Variants in CCL22 observed in about 807,000 individuals in gnomAD.
CCL22 encodes the protein C-C motif chemokine ligand 22, also known as C-C motif chemokine 22.
Under a neutral mutation model 7.6 loss-of-function variants are expected in CCL22, and 7 were observed. The observed-to-expected ratio is 0.92, with a 90% CI of 0.52 to 1.72. The LOEUF (loss-of-function observed/expected upper bound fraction) is 1.72, where lower values mean the gene tolerates loss of function less well. Ranked by LOEUF, CCL22 falls within the 40% of genes most tolerant of loss-of-function variation. CCL22 has a pLI of 0.00. For missense variants in CCL22, 115 were observed against 124.7 expected (o/e 0.92, Z 0.37); for synonymous variants, 55 against 47.2 (o/e 1.17, Z -0.68).
At chr16:57,358,361 G>A (rs1438609738), upstream of CCL22, among the ~76,000 whole-genome samples, 1 of 152,208 alleles carries the variant, frequency 6.6e-6, no homozygotes, top group Admixed American at 6.5e-5. Flanking sequence ...GTCATTAAGG[G>A]TACAAGACAG....
chr16:57,359,767 G>A (rs1463423501), intron 1 of CCL22, among the ~76,000 whole-genome samples: 1 of 152,022 alleles, frequency 6.6e-6, no homozygotes, highest in Non-Finnish European at 1.5e-5. Context: ...TGAGTAGCTG[G>A]GATTACAGGC....
intron 2 of CCL22, 44 bp from the exon 3 acceptor site, chr16:57,363,460 C>A: frequency 7.6e-7 from 1 of 1,308,822 alleles, no homozygotes; most frequent in Non-Finnish European, 1.1e-6. Context: ...ATCCTTGCTG[C>A]GTGCTAATGT....
intron 1 of CCL22, among the ~76,000 whole-genome samples, chr16:57,359,995 C>T (rs1168423058): frequency 6.6e-6 from 1 of 152,186 alleles, no homozygotes; most frequent in African/African-American, 2.4e-5. Flanking sequence ...TTCTCCACCC[C>T]ACTCTATACT....
chr16:57,361,300 T>C (rs1322669714), intron 2 of CCL22, among the ~76,000 whole-genome samples: 4 of 150,252 alleles, frequency 2.7e-5, no homozygotes, highest in Non-Finnish European at 5.9e-5. Context: ...CAGAAGTGTC[T>C]TGGATCCTCT....
rs542903244 is a variant in CCL22, at chr16:57,361,791, T to G, written c.197+1231T>G. Among the ~76,000 whole-genome samples the G allele has an allele frequency of 2.5e-4, 38 of 152,278 alleles. No homozygotes were observed. The Middle Eastern group carries it at 0.01, about 41-fold the overall frequency. Reference sequence around the variant, plus strand: ...GGACTCATGACCCACTTTGGGCCTCTATTATCTTCTCATCTTCCTCCTCCT... The same window carrying G: ...GGACTCATGACCCACTTTGGGCCTCGATTATCTTCTCATCTTCCTCCTCCT... On this transcript the variant is annotated intron_variant, in intron 2 of 2. Transcript: ENST00000219235.
chr16:57,362,996 C>CT lies in CCL22; in HGVS notation c.198-497dup, dbSNP rs1315093835. 3.8e-4 allele frequency among the ~76,000 whole-genome samples: 56 copies of CT among 147,916 alleles called. No individual in the cohort carries two copies. The Middle Eastern group carries it at 0.011, about 28-fold the overall frequency. ...CTGGAAGTCCTTGCTGCCTCTTCCTCTTTTTTTTTTTCTTGACACGGGGTC... is the reference window on the plus strand; with the variant it reads ...CTGGAAGTCCTTGCTGCCTCTTCCTCTTTTTTTTTTTTCTTGACACGGGGTC... On this transcript the variant is annotated intron_variant, in intron 2 of 2. Transcript: ENST00000219235.
intron 1 of CCL22, among the ~76,000 whole-genome samples, chr16:57,359,273 A>T (rs1902021901): frequency 6.6e-6 from 1 of 152,026 alleles, no homozygotes; most frequent in Non-Finnish European, 1.5e-5. Context: ...CTGCCCTCCC[A>T]CCATCCATTT....
intron 2 of CCL22, among the ~76,000 whole-genome samples, chr16:57,362,687 C>T (rs1402479856): frequency 2.6e-5 from 4 of 151,920 alleles, no homozygotes; most frequent in Non-Finnish European, 5.9e-5. Flanking sequence ...ATGGTGAAAA[C>T]CTATCTCTAC....
Position 57,364,478 on chromosome 16 carries a change from C to CT in CCL22, c.*907dup, listed in dbSNP as rs11405534. On this transcript the variant is annotated 3_prime_UTR_variant, in exon 3 of 3. Transcript: ENST00000219235. ...AGATTCACCTTTCTTCCCCCACTCC[C>CT]TTTTTTTTTTTTTTTTTGAGATGGA... 66,107 of 133,240 alleles carry CT rather than the reference C, an allele frequency of 0.5. 19,047 individuals carry two copies. The highest frequency in any genetic ancestry group is 0.64 in the Non-Finnish European group (40,105 of 63,008). 8.3% of individuals were successfully genotyped at this position (133,240 alleles called of 1,614,324 possible).
At position 57,365,114 on chromosome 16, in the gene CCL22, T is replaced by C. The variant is rs1397171048; in HGVS notation, c.*1526T>C. 1 of 152,122 alleles carries C rather than the reference T, an allele frequency of 6.6e-6. No individual in the cohort carries two copies. Among genetic ancestry groups the C allele is most frequent in the Non-Finnish European group, 1.5e-5 (1 of 68,030 alleles). 9.4% of individuals were successfully genotyped at this position (152,122 alleles called of 1,614,324 possible). ...ATCACACCCAGCCTCCCCCTTTTTT[T>C]CCTAATAGGAGACTCCTGTACCTTT... On this transcript the variant is annotated 3_prime_UTR_variant, in exon 3 of 3. Transcript: ENST00000219235.
chr16:57,358,873 T>G lies in CCL22; in HGVS notation c.57T>G (p.Leu19=). ...TCCTCGTCCTCCTTGCTGTGGCGCT[T>G]CAAGCAACTGAGGCAGGTGAGGCTG... is the stretch of plus-strand genomic sequence containing the variant. ...LVVLVLLAVA[L]QATEAGPYGA... The change falls in exon 1 of 3, where the codon CTT becomes CTG. Residue 19 remains leucine (L), a synonymous_variant. Transcript: ENST00000219235. The G allele has an allele frequency of 6.2e-7, 1 of 1,613,610 alleles. No homozygotes were observed. The highest frequency in any genetic ancestry group is 8.5e-7 in the Non-Finnish European group (1 of 1,179,846).
upstream of CCL22, among the ~76,000 whole-genome samples, chr16:57,358,332 A>T (rs1403548255): frequency 6.6e-6 from 1 of 152,182 alleles, no homozygotes; most frequent in Non-Finnish European, 1.5e-5. Context: ...TCTCCCATTG[A>T]AGAGAGACCA....
chr16:57,362,732 G>A (rs1902061901), intron 2 of CCL22, among the ~76,000 whole-genome samples: 1 of 151,676 alleles, frequency 6.6e-6, no homozygotes, highest in South Asian at 2.1e-4. Context: ...GTTGTGGCGG[G>A]CACCTGTAAT....
At chr16:57,362,222 A>G (rs1249023254) in intron 2 of CCL22, among the ~76,000 whole-genome samples, 1 of 152,150 alleles carries the variant, frequency 6.6e-6, no homozygotes, top group Non-Finnish European at 1.5e-5. Context: ...CTGGGCATGT[A>G]GTGCTTCTCA....
At position 57,360,310 on chromosome 16, in the gene CCL22, C is replaced by T. The variant is rs1902033465; in HGVS notation, c.74-127C>T. On this transcript the variant is annotated intron_variant, in intron 1 of 2. Coordinates refer to ENST00000219235, the MANE Select transcript of CCL22 (RefSeq NM_002990.5). ...GGCTCAGAATCCTCTGGTCACCATC[C>T]TTCCACATGAGAACAGAAAAACTGC... 14 of 1,174,894 alleles carry T rather than the reference C, an allele frequency of 1.2e-5. No individual in the cohort carries two copies. The South Asian group carries it at 1.9e-4, about 16-fold the overall frequency. 72.8% of individuals were successfully genotyped at this position (1,174,894 alleles called of 1,614,324 possible).
In CCL22 at chr16:57,363,670, C is replaced by T. The variant is rs552444943; in HGVS notation, c.*82C>T. On this transcript the variant is annotated 3_prime_UTR_variant, in exon 3 of 3. Coordinates refer to ENST00000219235, the MANE Select transcript of CCL22 (RefSeq NM_002990.5). ...CCTCCCTGCCATTATAGCTGCTCCC[C>T]GCCAGAAGCCTGTGCCAACTCTCTG... is the stretch of plus-strand genomic sequence containing the variant. 15 of 840,692 alleles carry T rather than the reference C, an allele frequency of 1.8e-5. No individual in the cohort carries two copies. Among genetic ancestry groups the T allele is most frequent in the East Asian group, 2.5e-5 (1 of 40,250 alleles). 52.1% of individuals were successfully genotyped at this position (840,692 alleles called of 1,614,324 possible).
At position 57,360,447 on chromosome 16, in the gene CCL22, C is replaced by A; in HGVS notation, c.84C>A (p.Gly28=). The change falls in exon 2 of 3, where the codon GGC becomes GGA. Residue 28 remains glycine (G), a synonymous_variant. Transcript: ENST00000219235. ...ALQATEAGPY[G]ANMEDSVCCR... The stretch of plus-strand genomic sequence containing the variant: ...GGACCCCTCCCCTAGGCCCCTACGG[C>A]GCCAACATGGAAGACAGCGTCTGCT... 6.2e-7 allele frequency: 1 copy of A among 1,614,200 alleles called. No individual in the cohort carries two copies.
intron 1 of CCL22, among the ~76,000 whole-genome samples, chr16:57,359,179 G>A (rs1290518870): frequency 1.3e-5 from 2 of 152,168 alleles, no homozygotes; most frequent in African/African-American, 4.8e-5. Flanking sequence ...GGCCCTAGGG[G>A]TGTGGGTGAG....
rs1216650910 is a variant in CCL22 at position 57,365,740 on chromosome 16, C to T, written c.*2152C>T. 2.6e-5 allele frequency: 4 copies of T among 152,394 alleles called. No homozygotes were observed. Among genetic ancestry groups the T allele is most frequent in the Admixed American group, 2.0e-4 (3 of 15,282 alleles). The allele number at this position is 152,394 out of a possible 1,614,324, so 9.4% of individuals were successfully genotyped here. ...TACAGGCGTGAGTCACTGCGCCTGG[C>T]TTCCTCTTCCTCTTGAGAAATATTC... On this transcript the variant is annotated 3_prime_UTR_variant, in exon 3 of 3. Coordinates refer to ENST00000219235, the MANE Select transcript of CCL22 (RefSeq NM_002990.5).
Sources: gnomAD v4.1 joint callset for allele counts (sites outside exome capture counted in the v4.1 genomes callset) on GRCh38, gnomAD v4.1.1 for gene constraint, MANE v1.5 for transcripts, NCBI Gene and HGNC (gene_info 2026-07-23, HGNC 2026-07-21) for gene names.